TNKS2: variants seen among roughly 807,000 people sequenced by gnomAD.
TNKS2 encodes poly [ADP-ribose] polymerase tankyrase-2.
TNKS2 carries 72 observed loss-of-function variants against 137.6 expected under a neutral mutation model. That is an observed-to-expected ratio of 0.52 (90% CI 0.43 to 0.64). TNKS2 has a LOEUF of 0.64. Among genes scored for constraint, TNKS2 ranks in the 30% least tolerant of loss-of-function variants. The probability of loss-of-function intolerance (pLI) is 0.00; values close to 1 mark genes in which losing one functional copy is unlikely to be tolerated. For synonymous variants in TNKS2, 516 were observed against 512.1 expected, an observed-to-expected ratio of 1.01 and a Z score of -0.10; for missense variants, 1,049 against 1,410.2, an observed-to-expected ratio of 0.74 and a Z score of 4.10.
At chr10:91,820,091 C>A in intron 6 of TNKS2, 58 bp downstream of exon 6, 3 of 1,097,318 alleles carry the variant, frequency 2.7e-6, no homozygotes, top group South Asian at 1.7e-5. Context: ...TTAAAACAAT[C>A]TTTGTAACCT....
intron 20 of TNKS2, among the ~76,000 whole-genome samples, chr10:91,850,959 G>A (rs1842523280): frequency 6.6e-6 from 1 of 152,192 alleles, no homozygotes; most frequent in African/African-American, 2.4e-5. Context: ...TATAAATAGG[G>A]TTGGATGTAG....
At position 91,798,751 on chromosome 10, in the gene TNKS2, G is replaced by A. The variant is rs374420951; in HGVS notation, c.61G>A (p.Val21Met). The change falls in exon 1 of 27, where the codon GTG becomes ATG. Residue 21 changes from valine (V) to methionine (M), a missense_variant. This residue lies in a region of TNKS2 where 374 missense variants were observed against 460.8 expected (regional missense o/e 0.81). Transcript: ENST00000371627. ...AACASAAAEA[V>M]EPAARELFEA... ...CTGCGCGAGCGCCGCGGCCGAGGCC[G>A]TGGAGCCGGCCGCCCGAGAGCTGTT... 21 of 1,251,468 alleles carry A rather than the reference G, an allele frequency of 1.7e-5. No individual in the cohort carries two copies. Among genetic ancestry groups the A allele is most frequent in the African/African-American group, 4.7e-5 (3 of 64,450 alleles). The allele number at this position is 1,251,468 out of a possible 1,614,324, so 77.5% of individuals were successfully genotyped here.
chr10:91,805,138 A>G lies in TNKS2; in HGVS notation c.199+6249A>G, dbSNP rs1173517834. The stretch of plus-strand genomic sequence containing the variant: ...TTTTTTTTTTTAAACATAGCTACCT[A>G]TTGACTGCCTCCAAATAATTTCCTT... On this transcript the variant is annotated intron_variant, in intron 1 of 26. Coordinates refer to ENST00000371627, the MANE Select transcript of TNKS2 (RefSeq NM_025235.4). Among the ~76,000 whole-genome samples the G allele has an allele frequency of 1.0e-4, 15 of 150,298 alleles. No homozygotes were observed. The South Asian group carries it at 3.1e-3, about 32-fold the overall frequency.
intron 21 of TNKS2, among the ~76,000 whole-genome samples, chr10:91,852,431 G>A (rs1296965595): frequency 6.6e-6 from 1 of 150,934 alleles, no homozygotes; most frequent in African/African-American, 2.4e-5. Flanking sequence ...GTGGTGGCGG[G>A]CACCTGTAGT....
chr10:91,810,918 T>TC (rs1564604401), intron 1 of TNKS2, among the ~76,000 whole-genome samples: 42 of 107,922 alleles, frequency 3.9e-4, no homozygotes, highest in East Asian at 3.5e-3. Context: ...CTCTTTTCTT[T>TC]TCTTTTTTTT....
intron 25 of TNKS2, 139 bp from the exon 26 acceptor site, chr10:91,861,860 C>T (rs954055844): frequency 1.4e-6 from 1 of 691,210 alleles, no homozygotes; most frequent in Non-Finnish European, 2.3e-6. Flanking sequence ...TTAAAAAGTT[C>T]TTTTAGGGGT....
At chr10:91,831,297 T>TATA (rs1304613492) in intron 11 of TNKS2, 116 bp downstream of exon 11, 16 of 955,104 alleles carry the variant, frequency 1.7e-5, no homozygotes, top group Non-Finnish European at 3.2e-6. Flanking sequence ...TTTTTTTCCT[T>TATA]ATAATCTATG....
Position 91,833,955 on chromosome 10 carries a change from A to G in TNKS2, c.1378A>G (p.Asn460Asp). Reference protein sequence around the residue: ...RLLLSYGCDPNIISLQGFTAL... With the variant: ...RLLLSYGCDPDIISLQGFTAL... ...ACTCCTGAGCTATGGGTGTGATCCT[A>G]ACATTATATCCCTTCAGGGCTTTAC... Residue 460 changes from asparagine (N) to aspartate (D), a missense_variant, in exon 12 of 27, where the codon AAC becomes GAC. Around this residue, in one of 6 missense-constraint regions of TNKS2, gnomAD observed 328 missense variants for 436.0 expected, o/e 0.75. Transcript: ENST00000371627. The G allele has an allele frequency of 6.2e-7, 1 of 1,613,802 alleles. No homozygotes were observed. The highest frequency in any genetic ancestry group is 8.5e-7 in the Non-Finnish European group (1 of 1,179,834).
Position 91,828,303 on chromosome 10 carries a change from C to G in TNKS2, c.1001C>G (p.Ser334Trp), listed in dbSNP as rs779513594. 5.0e-6 allele frequency: 8 copies of G among 1,586,598 alleles called. No individual in the cohort carries two copies. Among genetic ancestry groups the G allele is most frequent in the South Asian group, 2.3e-5 (2 of 85,936 alleles). The change falls in exon 9 of 27, where the codon TCG becomes TGG. Residue 334 changes from serine (S) to tryptophan (W), a missense_variant. By Grantham distance (177) the Ser-to-Trp change is radical. Transcript: ENST00000371627. ...ERLAYEFKGHSLLQAAREADV... is the reference protein window; with the variant it reads ...ERLAYEFKGHWLLQAAREADV... ...CATCTAGATGAATTTAAAGGCCACT[C>G]GTTGCTGCAAGCTGCACGAGAAGCT...
Position 91,848,466 on chromosome 10 carries a change from T to C in TNKS2, c.2442T>C (p.Gly814=). The C allele has an allele frequency of 3.1e-6, 5 of 1,614,128 alleles. No homozygotes were observed. The highest frequency in any genetic ancestry group is 4.2e-6 in the Non-Finnish European group (5 of 1,180,010). The change falls in exon 19 of 27, where the codon GGT becomes GGC. Residue 814 remains glycine, a synonymous_variant. Coordinates refer to ENST00000371627, the MANE Select transcript of TNKS2 (RefSeq NM_025235.4). The stretch of plus-strand genomic sequence containing the variant: ...GTTACAAGCCTCAAGTGCTCAATGG[T>C]GTGAGAAGCCCAGGAGCCACTGCAG... ...PSCYKPQVLN[G]VRSPGATADA...
At chr10:91,852,858 G>A (rs1028364357) in intron 21 of TNKS2, among the ~76,000 whole-genome samples, 3 of 152,178 alleles carry the variant, frequency 2.0e-5, no homozygotes, top group Admixed American at 6.5e-5. Flanking sequence ...TCAATTAAAG[G>A]TAGATGTATT....
chr10:91,846,474 C>G (rs924474954), intron 18 of TNKS2, among the ~76,000 whole-genome samples: 5 of 152,188 alleles, frequency 3.3e-5, no homozygotes, highest in African/African-American at 1.2e-4. Context: ...GTTTTCCTTC[C>G]CCTCTCTCCA....
intron 7 of TNKS2, among the ~76,000 whole-genome samples, chr10:91,824,736 T>A (rs1034397560): frequency 6.6e-6 from 1 of 152,192 alleles, no homozygotes. Context: ...GTTGATAGAA[T>A]CAAGGCTCAA....
intron 8 of TNKS2, among the ~76,000 whole-genome samples, chr10:91,827,901 G>A (rs940237150): frequency 6.6e-6 from 1 of 152,166 alleles, no homozygotes; most frequent in African/African-American, 2.4e-5. Flanking sequence ...TAGCCATGAT[G>A]TCAGTGTAGA....
At chr10:91,844,894 T>C (rs763553606) in intron 16 of TNKS2, 25 bp from the exon 17 acceptor site, 23 of 1,532,250 alleles carry the variant, frequency 1.5e-5, no homozygotes. Flanking sequence ...ACAAGTAAAG[T>C]AATTTTACTT....
intron 17 of TNKS2, among the ~76,000 whole-genome samples, chr10:91,845,284 GTTTA>G (rs1209221420): frequency 6.6e-6 from 1 of 152,182 alleles, no homozygotes; most frequent in African/African-American, 2.4e-5. Context: ...TGGTGATTGT[GTTTA>G]TTTGTTGGTA....
At chr10:91,852,196 C>T (rs1421101546) in intron 21 of TNKS2, among the ~76,000 whole-genome samples, 1 of 138,532 alleles carries the variant, frequency 7.2e-6, no homozygotes, top group Non-Finnish European at 1.6e-5. Context: ...CCACTGCACT[C>T]CAGCCTGGGC....
chr10:91,848,649 CA>C lies in TNKS2; in HGVS notation c.2611+19del, dbSNP rs768030708. On this transcript the variant is annotated intron_variant, in intron 19 of 26. Transcript: ENST00000371627. ...AGAAAAAGGAGGGTGAGACGTTCTA[CA>C]AAAATAACTTTCTAACTGGTATTGT... 1.1e-5 allele frequency: 17 copies of C among 1,612,206 alleles called. No individual in the cohort carries two copies. The highest frequency in any genetic ancestry group is 1.4e-5 in the Non-Finnish European group (17 of 1,179,122).
At chr10:91,855,335 GTTTGTTTTTGTTTTTGTT>G (rs140309103) in intron 22 of TNKS2, among the ~76,000 whole-genome samples, 1 of 151,642 alleles carries the variant, frequency 6.6e-6, no homozygotes, top group Non-Finnish European at 1.5e-5. Context: ...TGTTTTTTGT[GTTTGTTTTTGTTTTTGTT>G]TTTGTTTTTG....
Sources: gnomAD v4.1 joint callset for allele counts (sites outside exome capture counted in the v4.1 genomes callset) on GRCh38, gnomAD v4.1.1 for gene constraint, gnomAD v4.1.1 regional missense constraint, MANE v1.5 for transcripts, NCBI Gene and HGNC (gene_info 2026-07-23, HGNC 2026-07-21) for gene names.